Variants in NRG1 observed in about 807,000 individuals in gnomAD.
NRG1 encodes pro-neuregulin-1, membrane-bound isoform.
NRG1 carries 18 observed loss-of-function variants against 63.8 expected under a neutral mutation model. That is an observed-to-expected ratio of 0.28 (90% CI 0.19 to 0.42). NRG1 has a LOEUF of 0.42. Ranked by LOEUF, NRG1 falls within the 10% of genes least tolerant of loss-of-function variation. The pLI, the probability that NRG1 is intolerant of heterozygous loss-of-function variation, is 1.00. For missense variants in NRG1, 762 were observed against 814.7 expected, an observed-to-expected ratio of 0.94 and a Z score of 0.79; for synonymous variants, 302 against 301.3, an observed-to-expected ratio of 1.00 and a Z score of -0.02.
intron 1 of NRG1, among the ~76,000 whole-genome samples, chr8:32,375,846 G>A (rs1016791060): frequency 6.6e-6 from 1 of 152,044 alleles, no homozygotes; most frequent in South Asian, 2.1e-4. Context: ...CAAACACAAG[G>A]CCACCATGGC....
At chr8:32,315,103 T>C (rs1385981765) in intron 1 of NRG1, among the ~76,000 whole-genome samples, 1 of 152,234 alleles carries the variant, frequency 6.6e-6, no homozygotes, top group Non-Finnish European at 1.5e-5. Context: ...TTTTAAGTTC[T>C]GGGATACATG....
intron 1 of NRG1, among the ~76,000 whole-genome samples, chr8:31,886,221 T>C (rs1189355446): frequency 6.6e-6 from 1 of 152,114 alleles, no homozygotes; most frequent in East Asian, 1.9e-4. Context: ...GGAAGAATGT[T>C]TTAAGGTATG....
chr8:32,337,492 G>A (rs1212998377), intron 1 of NRG1, among the ~76,000 whole-genome samples: 5 of 151,542 alleles, frequency 3.3e-5, no homozygotes, highest in African/African-American at 4.9e-5. Context: ...AGACTTCAGA[G>A]GAATTCAGAC....
chr8:32,728,104 C>T, intron 6 of NRG1, 26 bp downstream of exon 6: 2 of 1,613,270 alleles, frequency 1.2e-6, no homozygotes, highest in Middle Eastern at 1.7e-4. Context: ...CTGTGTGTCG[C>T]TTATGTCTAT....
At chr8:32,010,643 AT>A (rs1336885754) in intron 1 of NRG1, among the ~76,000 whole-genome samples, 2 of 152,026 alleles carry the variant, frequency 1.3e-5, no homozygotes, top group African/African-American at 4.8e-5. Context: ...GAAATGGGTT[AT>A]TACTCTGTTA....
At chr8:32,662,410 C>T (rs2919395) in intron 5 of NRG1, among the ~76,000 whole-genome samples, 6,069 of 152,194 alleles carry the variant, frequency 0.04, 585 homozygotes, top group East Asian at 0.37. Flanking sequence ...TGATGAAGGC[C>T]TGATCAGGGA....
chr8:32,465,641 TTA>T lies in NRG1; in HGVS notation c.38-130184_38-130183del, dbSNP rs1587810835. The stretch of plus-strand genomic sequence containing the variant: ...TATGTATTAAAATTTTCAAAAACAC[TTA>T]TACTCTCGAATCCAGCAGTTATTAT... On this transcript the variant is annotated intron_variant, in intron 1 of 10. Coordinates refer to the NRG1 transcript ENST00000519301. Among the ~76,000 whole-genome samples the T allele has an allele frequency of 2.0e-5, 3 of 152,302 alleles. No individual in the cohort carries two copies. The East Asian group carries it at 5.8e-4, about 29-fold the overall frequency.
chr8:31,781,562 T>A (rs2131615444), intron 1 of NRG1, among the ~76,000 whole-genome samples: 1 of 152,260 alleles, frequency 6.6e-6, no homozygotes, highest in South Asian at 2.1e-4. Context: ...CTGTCTGGGA[T>A]GACAGCACAC....
intron 1 of NRG1, among the ~76,000 whole-genome samples, chr8:31,835,051 C>T (rs1399583876): frequency 6.6e-6 from 1 of 152,148 alleles, no homozygotes; most frequent in Non-Finnish European, 1.5e-5. Flanking sequence ...ATACTGATGC[C>T]ATGAGGATTA....
chr8:32,552,514 C>T (rs1201729914), intron 1 of NRG1, among the ~76,000 whole-genome samples: 1 of 152,088 alleles, frequency 6.6e-6, no homozygotes, highest in Non-Finnish European at 1.5e-5. Context: ...ACATCACCCA[C>T]CTGTTTCCCT....
At chr8:32,155,776 G>T (rs1403773237) in intron 1 of NRG1, among the ~76,000 whole-genome samples, 1 of 152,056 alleles carries the variant, frequency 6.6e-6, no homozygotes, top group Non-Finnish European at 1.5e-5. Flanking sequence ...TCAATGCCTA[G>T]TTCTTCACCC....
intron 1 of NRG1, among the ~76,000 whole-genome samples, chr8:32,366,150 AT>A (rs1175834750): frequency 1.3e-5 from 2 of 151,982 alleles, no homozygotes; most frequent in African/African-American, 2.4e-5. Flanking sequence ...GTTTTTTAAA[AT>A]TTTTTTTAGA....
intron 1 of NRG1, among the ~76,000 whole-genome samples, chr8:32,529,103 C>T (rs1291305449): frequency 6.6e-6 from 1 of 152,170 alleles, no homozygotes; most frequent in Non-Finnish European, 1.5e-5. Context: ...CACTACACAC[C>T]TAGGCTATGT....
At chr8:32,752,485 G>T (rs552943537) in intron 7 of NRG1, among the ~76,000 whole-genome samples, 2 of 152,120 alleles carry the variant, frequency 1.3e-5, no homozygotes, top group African/African-American at 4.8e-5. Context: ...CAGCCGCTTC[G>T]CTTTCTAATT....
chr8:32,579,231 A>T (rs1840223010), intron 1 of NRG1, among the ~76,000 whole-genome samples: 1 of 109,098 alleles, frequency 9.2e-6, no homozygotes, highest in Non-Finnish European at 1.7e-5. Flanking sequence ...TACTATTGCC[A>T]CTGGGATGCA....
At chr8:32,185,730 G>A (rs1331053605) in intron 1 of NRG1, among the ~76,000 whole-genome samples, 5 of 152,132 alleles carry the variant, frequency 3.3e-5, no homozygotes, top group East Asian at 1.9e-4. Context: ...ACTTTGTCAT[G>A]CATTGACTTC....
chr8:32,260,095 A>G (rs940695554), intron 1 of NRG1, among the ~76,000 whole-genome samples: 3 of 152,158 alleles, frequency 2.0e-5, no homozygotes, highest in African/African-American at 7.2e-5. Context: ...ATTGTCATAC[A>G]CACCTCCAAA....
chr8:32,436,018 AG>A (rs1587642796), intron 1 of NRG1, among the ~76,000 whole-genome samples: 2 of 152,236 alleles, frequency 1.3e-5, no homozygotes, highest in East Asian at 3.9e-4. Flanking sequence ...ATTCACCAGG[AG>A]TGTGTATTAA....
chr8:31,661,504 A>G (rs1032589105), intron 1 of NRG1, among the ~76,000 whole-genome samples: 6 of 152,178 alleles, frequency 3.9e-5, no homozygotes, highest in African/African-American at 1.2e-4. Context: ...GGGAAATATG[A>G]GTTCTTCTTT....
Sources: gnomAD v4.1 joint callset for allele counts (sites outside exome capture counted in the v4.1 genomes callset) on GRCh38, gnomAD v4.1.1 for gene constraint, MANE v1.5 for transcripts, NCBI Gene and HGNC (gene_info 2026-07-23, HGNC 2026-07-21) for gene names.